Variants in KMO observed in about 807,000 individuals in gnomAD.
The protein encoded by KMO is kynurenine 3-hydroxylase.
KMO carries 24 observed loss-of-function variants against 57.8 expected under a neutral mutation model. The observed-to-expected ratio is 0.42, with a 90% CI of 0.30 to 0.58. The LOEUF is 0.58. Ranked by LOEUF, KMO falls within the 20% of genes least tolerant of loss-of-function variation. The pLI is 0.22. For missense variants in KMO, 483 were observed against 588.2 expected, an observed-to-expected ratio of 0.82 and a Z score of 1.85; for synonymous variants, 210 against 193.6, an observed-to-expected ratio of 1.08 and a Z score of -0.70.
At position 241,575,462 on chromosome 1, in the gene KMO, G is replaced by T. The variant is rs187749462; in HGVS notation, c.957+6815G>T. 2.5e-3 allele frequency among the ~76,000 whole-genome samples: 379 copies of T among 152,028 alleles called. 10 individuals carry two copies. Among genetic ancestry groups the T allele is most frequent in the Middle Eastern group, 3.4e-3 (1 of 294 alleles). ...TGTAACCCAGAGGTTTTGATATGTT[G>T]TGTCACTATTATCATTCATTTCAAA... On this transcript the variant is annotated intron_variant, in intron 10 of 14. Coordinates refer to ENST00000366559, the MANE Select transcript of KMO (RefSeq NM_003679.5).
At position 241,543,756 on chromosome 1, in the gene KMO, G is replaced by A. The variant is rs191918490; in HGVS notation, c.55-5073G>A. Among the ~76,000 whole-genome samples, 34 of 152,164 alleles carry A rather than the reference G, an allele frequency of 2.2e-4. No homozygotes were observed. In the East Asian group the frequency reaches 6.6e-3, roughly 29 times the overall value. ...TCTCTAGCACTTAATATTTTCATGA[G>A]CCTAAGTTAGATTTAATCTTAATGT... On this transcript the variant is annotated intron_variant, in intron 1 of 14. Coordinates refer to ENST00000366559, the MANE Select transcript of KMO (RefSeq NM_003679.5).
chr1:241,589,653 G>A (rs555786112), intron 12 of KMO, among the ~76,000 whole-genome samples: 17 of 152,222 alleles, frequency 1.1e-4, no homozygotes, highest in Admixed American at 2.0e-4. Flanking sequence ...TCTTTTTGCC[G>A]TAAGCAATAT....
rs1354718843 is a variant in KMO at position 241,595,580 on chromosome 1, A to G, written c.*3427A>G. 6.6e-6 allele frequency: 1 copy of G among 152,240 alleles called. No homozygotes were observed. Among genetic ancestry groups the G allele is most frequent in the Non-Finnish European group, 1.5e-5 (1 of 68,038 alleles). The allele number at this position is 152,240 out of a possible 1,614,324, so 9.4% of individuals were successfully genotyped here. On this transcript the variant is annotated 3_prime_UTR_variant, in exon 15 of 15. Transcript: ENST00000366559. ...TTATCCCATTATTTAGAGCGAAATA[A>G]ATGTTGAATATATGGACTTTCTCAG...
At chr1:241,546,424 T>C (rs1445880179) in intron 1 of KMO, among the ~76,000 whole-genome samples, 2 of 152,148 alleles carry the variant, frequency 1.3e-5, no homozygotes, top group Admixed American at 6.6e-5. Flanking sequence ...TATTACACCA[T>C]CACCCTAAAT....
intron 10 of KMO, among the ~76,000 whole-genome samples, chr1:241,583,917 T>C (rs1662862172): frequency 6.6e-6 from 1 of 152,174 alleles, no homozygotes; most frequent in Non-Finnish European, 1.5e-5. Context: ...GCACTATGCA[T>C]AAATATGTAA....
chr1:241,533,762 T>C (rs549573059), intron 1 of KMO, among the ~76,000 whole-genome samples: 2 of 152,280 alleles, frequency 1.3e-5, no homozygotes, highest in Admixed American at 1.3e-4. Flanking sequence ...AGAAGCACTA[T>C]GAAAGAAACG....
chr1:241,560,025 C>A (rs1448380725), intron 5 of KMO, among the ~76,000 whole-genome samples: 2 of 152,188 alleles, frequency 1.3e-5, no homozygotes, highest in Non-Finnish European at 2.9e-5. Context: ...TCACATTTTA[C>A]TGTTGTAACA....
At chr1:241,538,613 CA>C (rs1482296241) in intron 1 of KMO, among the ~76,000 whole-genome samples, 4 of 152,142 alleles carry the variant, frequency 2.6e-5, no homozygotes, top group Non-Finnish European at 5.9e-5. Context: ...TGGGCCTCAC[CA>C]TGTTAGACCT....
chr1:241,565,074 T>C lies in KMO; in HGVS notation c.687+16T>C. 1 of 1,443,140 alleles carries C rather than the reference T, an allele frequency of 6.9e-7. No individual in the cohort carries two copies. Among genetic ancestry groups the C allele is most frequent in the Non-Finnish European group, 9.7e-7 (1 of 1,026,990 alleles). The allele number at this position is 1,443,140 out of a possible 1,614,324, so 89.4% of individuals were successfully genotyped here. On this transcript the variant is annotated intron_variant, in intron 8 of 14. Coordinates refer to ENST00000366559, the MANE Select transcript of KMO (RefSeq NM_003679.5). ...TCCTAACATGGTAGTATAGAATTTT[T>C]TATCAACTGTAATTTTGCATTTGTA...
At chr1:241,541,271 T>C (rs1341934393) in intron 1 of KMO, among the ~76,000 whole-genome samples, 1 of 152,166 alleles carries the variant, frequency 6.6e-6, no homozygotes, top group East Asian at 1.9e-4. Context: ...CCTAGCTTCA[T>C]GTATACTGGT....
intron 4 of KMO, among the ~76,000 whole-genome samples, chr1:241,554,221 C>A (rs890585376): frequency 7.9e-6 from 1 of 127,372 alleles, no homozygotes; most frequent in Non-Finnish European, 1.7e-5. Flanking sequence ...TTACATAATA[C>A]TTTTCTTTCC....
chr1:241,594,432 A>G lies in KMO; in HGVS notation c.*2279A>G. 1 of 1,610,906 alleles carries G rather than the reference A, an allele frequency of 6.2e-7. No individual in the cohort carries two copies. Among genetic ancestry groups the G allele is most frequent in the Non-Finnish European group, 8.5e-7 (1 of 1,177,460 alleles). ...TTTCGTTGCCATTCTTCATTCCTAC[A>G]AAGGACGAACTTGGATTACATCAAC... is the stretch of plus-strand genomic sequence containing the variant. On this transcript the variant is annotated 3_prime_UTR_variant, in exon 15 of 15. Transcript: ENST00000366559.
chr1:241,547,998 C>CA (rs936260748), intron 1 of KMO, among the ~76,000 whole-genome samples: 15 of 148,648 alleles, frequency 1.0e-4, no homozygotes, highest in South Asian at 4.3e-4. Flanking sequence ...CATATAGAAA[C>CA]AAAAAAAAAG....
chr1:241,564,750 C>T (rs1275525911), intron 7 of KMO, among the ~76,000 whole-genome samples: 2 of 151,914 alleles, frequency 1.3e-5, no homozygotes, highest in Admixed American at 6.6e-5. Context: ...CACACACGCA[C>T]GTATTCTGAA....
At chr1:241,544,064 T>C (rs1661049454) in intron 1 of KMO, among the ~76,000 whole-genome samples, 1 of 152,178 alleles carries the variant, frequency 6.6e-6, no homozygotes, top group South Asian at 2.1e-4. Flanking sequence ...TTTGCAGCAT[T>C]ATATATTGTA....
intron 4 of KMO, among the ~76,000 whole-genome samples, chr1:241,555,006 C>A (rs1277596798): frequency 6.6e-6 from 1 of 151,804 alleles, no homozygotes. Flanking sequence ...GTATTGTACG[C>A]CCATAGGCGC....
chr1:241,557,355 A>C lies in KMO; in HGVS notation c.361+1695A>C, dbSNP rs75012787. ...AAGCATGCCACTTAATATTTCTACTATCTTTTAAACTAGTCCCTCGTGATG... is the reference window on the plus strand; with the variant it reads ...AAGCATGCCACTTAATATTTCTACTCTCTTTTAAACTAGTCCCTCGTGATG... On this transcript the variant is annotated intron_variant, in intron 5 of 14. Transcript: ENST00000366559. Among the ~76,000 whole-genome samples, 424 of 152,282 alleles carry C rather than the reference A, an allele frequency of 2.8e-3. 4 individuals are homozygous for C. The highest frequency in any genetic ancestry group is 9.6e-3 in the African/African-American group (398 of 41,544).
chr1:241,577,861 G>A (rs1243657305), intron 10 of KMO, among the ~76,000 whole-genome samples: 3 of 152,140 alleles, frequency 2.0e-5, no homozygotes, highest in Non-Finnish European at 2.9e-5. Context: ...GAAACACACT[G>A]AAGTCTTTTC....
intron 1 of KMO, among the ~76,000 whole-genome samples, chr1:241,544,305 C>T (rs1245489526): frequency 6.6e-6 from 1 of 152,194 alleles, no homozygotes; most frequent in Non-Finnish European, 1.5e-5. Flanking sequence ...ACGGTAAAAA[C>T]CGTGATTCCT....
Sources: gnomAD v4.1 joint callset for allele counts (sites outside exome capture counted in the v4.1 genomes callset) on GRCh38, gnomAD v4.1.1 for gene constraint, MANE v1.5 for transcripts, NCBI Gene and HGNC (gene_info 2026-07-23, HGNC 2026-07-21) for gene names.